The following HIVEP3 variants were observed in gnomAD, a reference collection of about 807,000 sequenced individuals.
The protein encoded by HIVEP3 is transcription factor HIVEP3.
HIVEP3 carries 49 observed loss-of-function variants against 152.8 expected under a neutral mutation model. The ratio of observed to expected loss-of-function variants is 0.32; its 90% CI spans 0.26 to 0.41. HIVEP3 has a LOEUF of 0.41. Ranked by LOEUF, HIVEP3 falls within the 10% of genes least tolerant of loss-of-function variation. The pLI, the probability that HIVEP3 is intolerant of heterozygous loss-of-function variation, is 1.00. For synonymous variants in HIVEP3, 1,269 were observed against 1,289.0 expected, an observed-to-expected ratio of 0.98 and a Z score of 0.33; for missense variants, 2,790 against 3,103.3, an observed-to-expected ratio of 0.90 and a Z score of 2.40.
intron 5 of HIVEP3, among the ~76,000 whole-genome samples, chr1:41,540,641 C>A (rs1643506723): frequency 6.6e-6 from 1 of 152,208 alleles, no homozygotes; most frequent in Non-Finnish European, 1.5e-5. Flanking sequence ...CCAAGGAAAA[C>A]CTGTCTTTGG....
At chr1:41,781,663 A>G (rs926633233) in intron 1 of HIVEP3, among the ~76,000 whole-genome samples, 1 of 152,182 alleles carries the variant, frequency 6.6e-6, no homozygotes, top group African/African-American at 2.4e-5. Flanking sequence ...CCCAGGGTCA[A>G]TGGGATAGAG....
At chr1:41,651,838 G>A (rs774901204) in intron 2 of HIVEP3, among the ~76,000 whole-genome samples, 45 of 151,866 alleles carry the variant, frequency 3.0e-4, no homozygotes, top group African/African-American at 9.9e-4. Flanking sequence ...TACAATCTTT[G>A]GTTTTTTAGT....
At chr1:41,905,018 T>A (rs945511752) in intron 1 of HIVEP3, among the ~76,000 whole-genome samples, 11 of 152,316 alleles carry the variant, frequency 7.2e-5, no homozygotes, top group African/African-American at 2.6e-4. Context: ...CTTTGCCGTG[T>A]CTCTAGTCAA....
At chr1:41,780,529 G>A (rs987734779) in intron 1 of HIVEP3, among the ~76,000 whole-genome samples, 45 of 152,180 alleles carry the variant, frequency 3.0e-4, no homozygotes, top group African/African-American at 8.9e-4. Context: ...AGTGGCCATG[G>A]TCAGGGCCCA....
intron 1 of HIVEP3, among the ~76,000 whole-genome samples, chr1:41,703,910 C>T (rs1646398116): frequency 6.6e-6 from 1 of 152,196 alleles, no homozygotes; most frequent in Non-Finnish European, 1.5e-5. Context: ...ATTCAAAGGC[C>T]TGTCCACCAA....
At chr1:41,522,418 TC>T (rs753918088) in intron 6 of HIVEP3, among the ~76,000 whole-genome samples, 1 of 152,208 alleles carries the variant, frequency 6.6e-6, no homozygotes, top group Non-Finnish European at 1.5e-5. Flanking sequence ...TCTGGAAGGT[TC>T]TAGTCTTCTA....
chr1:41,559,221 C>A (rs1473463731), intron 5 of HIVEP3, among the ~76,000 whole-genome samples: 1 of 152,180 alleles, frequency 6.6e-6, no homozygotes, highest in Non-Finnish European at 1.5e-5. Flanking sequence ...TCCCAATGCC[C>A]TCTGTCTCTT....
intron 6 of HIVEP3, among the ~76,000 whole-genome samples, chr1:41,524,187 G>T (rs1443426390): frequency 6.6e-6 from 1 of 152,206 alleles, no homozygotes; most frequent in Non-Finnish European, 1.5e-5. Context: ...GGAGTGGGGG[G>T]CTGGCCCTGT....
chr1:41,694,948 G>C (rs1340554036), intron 2 of HIVEP3, among the ~76,000 whole-genome samples: 1 of 152,166 alleles, frequency 6.6e-6, no homozygotes, highest in African/African-American at 2.4e-5. Context: ...ATAACCTCCA[G>C]ACCACCAGAG....
At chr1:41,661,552 A>T (rs1645712277) in intron 2 of HIVEP3, among the ~76,000 whole-genome samples, 2 of 152,182 alleles carry the variant, frequency 1.3e-5, no homozygotes, top group African/African-American at 4.8e-5. Flanking sequence ...GCCAGCTGTC[A>T]TTATGCCGGG....
chr1:41,614,363 T>C (rs1052311378), intron 3 of HIVEP3, among the ~76,000 whole-genome samples: 1 of 152,040 alleles, frequency 6.6e-6, no homozygotes, highest in African/African-American at 2.4e-5. Flanking sequence ...CAACAGAGGG[T>C]GCAAGTCCCA....
At chr1:41,886,575 G>A (rs1557485721) in intron 1 of HIVEP3, among the ~76,000 whole-genome samples, 2 of 151,948 alleles carry the variant, frequency 1.3e-5, no homozygotes, top group Admixed American at 1.3e-4. Flanking sequence ...AGTTGGGTGT[G>A]GTGGCACATG....
At chr1:41,851,373 G>A (rs1643596158) in intron 1 of HIVEP3, among the ~76,000 whole-genome samples, 1 of 127,540 alleles carries the variant, frequency 7.8e-6, no homozygotes, top group South Asian at 2.5e-4. Flanking sequence ...CATGATGTTG[G>A]CTCACTGCAA....
At chr1:42,015,101 C>A (rs572198042) in intron 1 of HIVEP3, among the ~76,000 whole-genome samples, 47 of 152,254 alleles carry the variant, frequency 3.1e-4, no homozygotes, top group African/African-American at 1.1e-3. Flanking sequence ...TTAAGGAAAT[C>A]CCCGGGGCTC....
chr1:41,731,371 C>G (rs557167411), intron 1 of HIVEP3, among the ~76,000 whole-genome samples: 1 of 152,316 alleles, frequency 6.6e-6, no homozygotes, highest in South Asian at 2.1e-4. Flanking sequence ...CTTTGCATTT[C>G]TATGCTCAAC....
At chr1:41,650,204 C>A (rs781367441) in intron 2 of HIVEP3, among the ~76,000 whole-genome samples, 33 of 152,172 alleles carry the variant, frequency 2.2e-4, no homozygotes, top group Non-Finnish European at 3.7e-4. Context: ...AAGAAAGGAC[C>A]CGAGGGACTG....
At position 41,664,092 on chromosome 1, in the gene HIVEP3, G is replaced by A. The variant is rs1645758806; in HGVS notation, c.-720-35145C>T. Among the ~76,000 whole-genome samples, 1 of 152,190 alleles carries A rather than the reference G, an allele frequency of 6.6e-6. No homozygotes were observed. The highest frequency in any genetic ancestry group is 2.4e-5 in the African/African-American group (1 of 41,442). On this transcript the variant is annotated intron_variant, in intron 2 of 8. Coordinates refer to ENST00000372583, the MANE Select transcript of HIVEP3 (RefSeq NM_024503.5). The surrounding 1 kb of genome is among the most constrained non-coding windows in gnomAD (Gnocchi z 4.4). ...TTCATACAGGCTTTCCCTTTGAAAT[G>A]TCTTCTCCACCCCCTCCAGCTGTCC...
At chr1:41,770,825 G>A (rs911718720) in intron 1 of HIVEP3, among the ~76,000 whole-genome samples, 1 of 151,902 alleles carries the variant, frequency 6.6e-6, no homozygotes, top group Middle Eastern at 3.4e-3. Context: ...ATCCTGTTCC[G>A]GGATGCTGTT....
intron 1 of HIVEP3, among the ~76,000 whole-genome samples, chr1:41,824,776 TATATATATAGAG>T (rs1366253047): frequency 5.7e-4 from 7 of 12,306 alleles, no homozygotes; most frequent in Non-Finnish European, 1.1e-3. Context: ...TATATATATA[TATATATATAGAG>T]AGAGAGAGAG....
Sources: allele counts gnomAD v4.1 joint callset (sites outside exome capture counted in the v4.1 genomes callset), GRCh38; gene constraint gnomAD v4.1.1; non-coding constraint Gnocchi (gnomAD v3.1); transcripts MANE v1.5; gene names NCBI Gene and HGNC (gene_info 2026-07-23, HGNC 2026-07-21).